Variants in PHGDH observed in about 807,000 individuals in gnomAD.
PHGDH encodes phosphoglycerate dehydrogenase, also known as D-3-phosphoglycerate dehydrogenase.
A neutral mutation model predicts 52.6 loss-of-function variants in PHGDH; 50 were observed. The observed-to-expected ratio is 0.95, with a 90% CI of 0.76 to 1.20. PHGDH has a LOEUF of 1.20. PHGDH is among the 50% of genes most tolerant of loss of function. PHGDH has a pLI of 0.00. For synonymous variants in PHGDH, 271 were observed against 280.5 expected, an observed-to-expected ratio of 0.97 and a Z score of 0.34; for missense variants, 630 against 684.6, an observed-to-expected ratio of 0.92 and a Z score of 0.89.
chr1:119,728,266 T>A lies in PHGDH; in HGVS notation c.510+1164T>A, dbSNP rs142147921. On this transcript the variant is annotated intron_variant, in intron 5 of 11. Coordinates refer to ENST00000641023, the MANE Select transcript of PHGDH (RefSeq NM_006623.4). ...TACCTATCCTGCCTCACAGGGAGGG[T>A]GCTTGTGTCCTGCCCATTCTTTCTT... Among the ~76,000 whole-genome samples, 9 of 152,200 alleles carry A rather than the reference T, an allele frequency of 5.9e-5. No individual in the cohort carries two copies. In the East Asian group the frequency reaches 1.4e-3, roughly 23 times the overall value.
At chr1:119,740,199 C>T in intron 8 of PHGDH, 187 bp from the exon 9 acceptor site, 1 of 614,930 alleles carries the variant, frequency 1.6e-6, no homozygotes, top group Non-Finnish European at 2.9e-6. Flanking sequence ...CCACAGCTTT[C>T]TTCATTTGTA....
intron 3 of PHGDH, among the ~76,000 whole-genome samples, chr1:119,723,935 T>G (rs1457678708): frequency 1.3e-5 from 2 of 152,020 alleles, no homozygotes; most frequent in Non-Finnish European, 2.9e-5. Context: ...CCCTTACAAA[T>G]CTGTATTGTA....
chr1:119,721,133 A>T (rs771169548), intron 1 of PHGDH, 37 bp from the exon 2 acceptor site: 1 of 1,608,934 alleles, frequency 6.2e-7, no homozygotes, highest in South Asian at 1.1e-5. Context: ...GTTCTCACAG[A>T]ATGACTTTCT....
At chr1:119,742,342 A>G (rs1197527671) in intron 10 of PHGDH, 1 of 355,640 alleles carries the variant, frequency 2.8e-6, no homozygotes, top group South Asian at 2.5e-5. Context: ...CCCTGTTTAG[A>G]TCAAAGTCTG....
chr1:119,725,151 C>T (rs1651349903), intron 3 of PHGDH, among the ~76,000 whole-genome samples: 1 of 152,192 alleles, frequency 6.6e-6, no homozygotes, highest in African/African-American at 2.4e-5. Context: ...GCCTGCTTTA[C>T]CATCTCCTCC....
At chr1:119,719,025 A>G (rs1483226085) in intron 1 of PHGDH, among the ~76,000 whole-genome samples, 1 of 152,204 alleles carries the variant, frequency 6.6e-6, no homozygotes, top group Non-Finnish European at 1.5e-5. Flanking sequence ...AGGCAGGGAA[A>G]TCCTTTTCTT....
At chr1:119,726,157 TAGG>T (rs1651399180) in intron 3 of PHGDH, among the ~76,000 whole-genome samples, 1 of 149,460 alleles carries the variant, frequency 6.7e-6, no homozygotes, top group African/African-American at 2.5e-5. Flanking sequence ...TCTGGACTAA[TAGG>T]AGGAGACAGG....
intron 5 of PHGDH, among the ~76,000 whole-genome samples, chr1:119,732,890 T>C (rs1651761761): frequency 6.6e-6 from 1 of 152,004 alleles, no homozygotes; most frequent in Non-Finnish European, 1.5e-5. Flanking sequence ...GACCTTGTGA[T>C]CTCTATTGGT....
intron 8 of PHGDH, among the ~76,000 whole-genome samples, chr1:119,738,557 C>T (rs1652046805): frequency 6.6e-6 from 1 of 152,230 alleles, no homozygotes; most frequent in Non-Finnish European, 1.5e-5. Flanking sequence ...GTTCGTTCCT[C>T]CCAGGAGATG....
intron 7 of PHGDH, among the ~76,000 whole-genome samples, chr1:119,736,699 G>C (rs1651951560): frequency 6.6e-6 from 1 of 152,218 alleles, no homozygotes; most frequent in Non-Finnish European, 1.5e-5. Context: ...GCAGGGGGGT[G>C]AGTTTCGGGG....
Position 119,719,432 on chromosome 1 carries a change from T to C in PHGDH, c.139-1738T>C, listed in dbSNP as rs587608852. Among the ~76,000 whole-genome samples the C allele has an allele frequency of 1.3e-4, 20 of 152,298 alleles. No homozygotes were observed. In the South Asian group the frequency reaches 4.2e-3, roughly 32 times the overall value. ...GTGAACATTTCTTCAAATCTCCCACTCTGACGTTCTGCTTCAGAACCTCAG... is the reference window on the plus strand; with the variant it reads ...GTGAACATTTCTTCAAATCTCCCACCCTGACGTTCTGCTTCAGAACCTCAG... On this transcript the variant is annotated intron_variant, in intron 1 of 11. Transcript: ENST00000641023.
intron 1 of PHGDH, among the ~76,000 whole-genome samples, 166 bp downstream of exon 1, chr1:119,712,326 G>C (rs1004226270): frequency 1.3e-5 from 2 of 152,216 alleles, no homozygotes; most frequent in Non-Finnish European, 2.9e-5. Flanking sequence ...GAGGCAGAAA[G>C]AGGGAAGAAC....
At chr1:119,738,398 C>T (rs780182504) in intron 8 of PHGDH, among the ~76,000 whole-genome samples, 14 of 152,204 alleles carry the variant, frequency 9.2e-5, no homozygotes, top group South Asian at 2.1e-4. Flanking sequence ...CCCACACAGT[C>T]CATGGAAGTC....
rs771213047 is a variant in PHGDH at position 119,726,420 on chromosome 1, C to T, written c.357-431C>T. On this transcript the variant is annotated intron_variant, in intron 3 of 11. Transcript: ENST00000641023. ...GTGTCCTCTTCATAATAGTAGAAGA[C>T]GTCATAGGTTATGGTGCTGGATGAG... Among the ~76,000 whole-genome samples, 19 of 152,082 alleles carry T rather than the reference C, an allele frequency of 1.2e-4. No individual in the cohort carries two copies. In the East Asian group the frequency reaches 2.1e-3, roughly 17 times the overall value.
chr1:119,738,619 T>C (rs1445031862), intron 8 of PHGDH, among the ~76,000 whole-genome samples: 1 of 152,280 alleles, frequency 6.6e-6, no homozygotes, highest in Non-Finnish European at 1.5e-5. Context: ...CCAGCCAATC[T>C]GGGCTTCAGG....
Position 119,741,913 on chromosome 1 carries a change from C to G in PHGDH, c.1209+16C>G. 6.2e-7 allele frequency: 1 copy of G among 1,608,734 alleles called. No homozygotes were observed. The highest frequency in any genetic ancestry group is 2.2e-5 in the East Asian group (1 of 44,852). ...TGGCCTCAATGTGCGCCCCTCTCCC[C>G]CACGCTGCCTCCCCATCCCTGTCAG... On this transcript the variant is annotated intron_variant, in intron 10 of 11. Coordinates refer to ENST00000641023, the MANE Select transcript of PHGDH (RefSeq NM_006623.4).
chr1:119,731,011 A>G (rs1010106117), intron 5 of PHGDH, among the ~76,000 whole-genome samples: 2 of 152,212 alleles, frequency 1.3e-5, no homozygotes, highest in Admixed American at 1.3e-4. Context: ...TAGCTAGAAT[A>G]CATTTCTGCA....
chr1:119,720,540 G>A (rs1392897374), intron 1 of PHGDH: 3 of 158,964 alleles, frequency 1.9e-5, no homozygotes, highest in Admixed American at 1.7e-4. Context: ...TTCATTAAGC[G>A]TCGCCAGATA....
chr1:119,711,962 C>A lies in PHGDH; in HGVS notation c.-61C>A. On this transcript the variant is annotated 5_prime_UTR_variant, in exon 1 of 12. Transcript: ENST00000641023. Reference sequence around the variant, plus strand: ...GTTACTCTAGCGCGCCAGGCCGAACCGCAGCTTCTTGGCTTAGGTACTTCT... The same window carrying A: ...GTTACTCTAGCGCGCCAGGCCGAACAGCAGCTTCTTGGCTTAGGTACTTCT... 6.9e-6 allele frequency: 11 copies of A among 1,596,186 alleles called. No individual in the cohort carries two copies. The highest frequency in any genetic ancestry group is 9.4e-6 in the Non-Finnish European group (11 of 1,165,438).
Sources: allele counts gnomAD v4.1 joint callset (sites outside exome capture counted in the v4.1 genomes callset), GRCh38; gene constraint gnomAD v4.1.1; transcripts MANE v1.5; gene names NCBI Gene and HGNC (gene_info 2026-07-23, HGNC 2026-07-21).